The following ROBO1 variants were observed in gnomAD, a reference collection of about 807,000 sequenced individuals.
The protein encoded by ROBO1 is roundabout homolog 1.
Under a neutral mutation model 195.9 loss-of-function variants are expected in ROBO1, and 149 were observed. The ratio of observed to expected loss-of-function variants is 0.76; its 90% CI spans 0.67 to 0.87. ROBO1 has a LOEUF of 0.87. Ranked by LOEUF, ROBO1 falls within the 40% of genes least tolerant of loss-of-function variation. ROBO1 has a pLI of 0.00. For missense variants in ROBO1, 1,933 were observed against 2,068.3 expected (o/e 0.93, Z 1.27); for synonymous variants, 816 against 733.2 (o/e 1.11, Z -1.82).
intron 2 of ROBO1, among the ~76,000 whole-genome samples, chr3:79,136,530 A>G (rs2080412791): frequency 6.6e-6 from 1 of 152,164 alleles, no homozygotes; most frequent in Non-Finnish European, 1.5e-5. Flanking sequence ...AAATTGGATC[A>G]ATTCTCATCG....
chr3:79,115,599 A>G (rs895971758), intron 3 of ROBO1, among the ~76,000 whole-genome samples: 1 of 152,156 alleles, frequency 6.6e-6, no homozygotes, highest in Non-Finnish European at 1.5e-5. Flanking sequence ...ATGACCACCA[A>G]TACTGCCTAT....
chr3:79,094,984 A>G (rs963159913), intron 3 of ROBO1, among the ~76,000 whole-genome samples: 1 of 150,556 alleles, frequency 6.6e-6, no homozygotes, highest in African/African-American at 2.4e-5. Flanking sequence ...ACAATTATGA[A>G]GTACCTACTA....
intron 1 of ROBO1, among the ~76,000 whole-genome samples, chr3:79,618,503 G>T (rs1359096710): frequency 6.6e-6 from 1 of 152,072 alleles, no homozygotes; most frequent in Non-Finnish European, 1.5e-5. Context: ...AGTGTCAGAA[G>T]CTCCCCACTG....
rs887909484 is a variant in ROBO1, at chr3:78,627,509, T to C, written c.3687A>G (p.Glu1229=). 2 of 1,613,294 alleles carry C rather than the reference T, an allele frequency of 1.2e-6. No homozygotes were observed. The highest frequency in any genetic ancestry group is 2.7e-5 in the African/African-American group (2 of 74,902). Residue 1229 remains glutamate (E), a synonymous_variant, in exon 26 of 31, where the codon GAA becomes GAG. Transcript: ENST00000464233. Reference sequence around the variant, plus strand: ...CTCGTTCATCTTCCTCCTCTTCTAATTCATCTTGTTGCAAATACATCCTTG... The same window carrying C: ...CTCGTTCATCTTCCTCCTCTTCTAACTCATCTTGTTGCAAATACATCCTTG... The part of the protein sequence containing the change: ...PPARMYLQQD[E]LEEEEDERGP...
intron 2 of ROBO1, among the ~76,000 whole-genome samples, chr3:79,309,455 A>T (rs2033380894): frequency 6.6e-6 from 1 of 151,932 alleles, no homozygotes; most frequent in African/African-American, 2.4e-5. Context: ...AAAAGAAATA[A>T]ATAGCCAAGC....
At chr3:78,899,003 C>G (rs1264801409) in intron 4 of ROBO1, among the ~76,000 whole-genome samples, 2 of 152,192 alleles carry the variant, frequency 1.3e-5, no homozygotes, top group Admixed American at 1.3e-4. Context: ...CAGGCATCCC[C>G]CTGAGTCAGT....
chr3:79,217,051 T>C (rs1164196849), intron 2 of ROBO1, among the ~76,000 whole-genome samples: 1 of 152,112 alleles, frequency 6.6e-6, no homozygotes, highest in Non-Finnish European at 1.5e-5. Flanking sequence ...GGAAACACTT[T>C]ATCCAATCTT....
chr3:79,623,044 C>T (rs917418032), intron 1 of ROBO1, among the ~76,000 whole-genome samples: 12 of 152,082 alleles, frequency 7.9e-5, no homozygotes, highest in East Asian at 1.9e-4. Context: ...TGGGGCCTGA[C>T]GTGAACCCCC....
At chr3:79,562,110 AT>A (rs1015255289) in intron 2 of ROBO1, among the ~76,000 whole-genome samples, 1 of 152,078 alleles carries the variant, frequency 6.6e-6, no homozygotes, top group Non-Finnish European at 1.5e-5. Context: ...ACAAATGGCT[AT>A]TTTTTTGTGA....
At chr3:79,680,245 A>G (rs891800064) in intron 1 of ROBO1, among the ~76,000 whole-genome samples, 1 of 151,964 alleles carries the variant, frequency 6.6e-6, no homozygotes, top group Non-Finnish European at 1.5e-5. Flanking sequence ...TAAGTTTATA[A>G]ATTCACCCAA....
chr3:79,625,082 C>T (rs1399458000), intron 1 of ROBO1, among the ~76,000 whole-genome samples: 1 of 152,004 alleles, frequency 6.6e-6, no homozygotes, highest in African/African-American at 2.4e-5. Context: ...AAATGAACAA[C>T]CTGCTTCTGA....
At chr3:79,597,571 G>T (rs988020216) in intron 1 of ROBO1, among the ~76,000 whole-genome samples, 1 of 151,808 alleles carries the variant, frequency 6.6e-6, no homozygotes, top group African/African-American at 2.4e-5. Context: ...ATGTATTTAG[G>T]AAACTCTTTC....
chr3:78,803,784 CT>C (rs2108588751), intron 4 of ROBO1, among the ~76,000 whole-genome samples: 1 of 151,370 alleles, frequency 6.6e-6, no homozygotes, highest in Non-Finnish European at 1.5e-5. Context: ...AGTATAGCTT[CT>C]TTTGAAAAAA....
intron 2 of ROBO1, among the ~76,000 whole-genome samples, chr3:79,164,711 G>A (rs2081031567): frequency 6.6e-6 from 1 of 152,036 alleles, no homozygotes; most frequent in Non-Finnish European, 1.5e-5. Context: ...AGTAATTTTT[G>A]TAGCAGCCTA....
At chr3:79,166,569 T>TTTC (rs71672100) in intron 2 of ROBO1, among the ~76,000 whole-genome samples, 6 of 149,864 alleles carry the variant, frequency 4.0e-5, no homozygotes, top group African/African-American at 1.5e-4. Context: ...TCTTTTTTTT[T>TTTC]TTTTTTTTAT....
chr3:79,076,960 T>C (rs2079184560), intron 3 of ROBO1, among the ~76,000 whole-genome samples: 1 of 151,902 alleles, frequency 6.6e-6, no homozygotes, highest in Non-Finnish European at 1.5e-5. Flanking sequence ...AGTGAAGTTT[T>C]TTGTTCGTTT....
intron 3 of ROBO1, among the ~76,000 whole-genome samples, chr3:78,978,189 A>G (rs1299542125): frequency 6.6e-6 from 1 of 152,114 alleles, no homozygotes; most frequent in African/African-American, 2.4e-5. Context: ...ATTGGTTCAC[A>G]GATTAAAAAA....
chr3:78,896,658 C>CAAAAAAAAA (rs142287501), intron 4 of ROBO1, among the ~76,000 whole-genome samples: 12 of 65,884 alleles, frequency 1.8e-4, no homozygotes, highest in South Asian at 5.9e-4. Context: ...TTGTTGCTCA[C>CAAAAAAAAA]AAAAAAAAAA....
intron 1 of ROBO1, among the ~76,000 whole-genome samples, chr3:79,656,914 C>T (rs2106793798): frequency 7.0e-6 from 1 of 142,258 alleles, no homozygotes; most frequent in African/African-American, 2.6e-5. Flanking sequence ...AAAAATAATG[C>T]TCTTGGCCGT....
Sources: allele counts gnomAD v4.1 joint callset (sites outside exome capture counted in the v4.1 genomes callset), GRCh38; gene constraint gnomAD v4.1.1; transcripts MANE v1.5; gene names NCBI Gene and HGNC (gene_info 2026-07-23, HGNC 2026-07-21).